DPP10: variants seen among roughly 807,000 people sequenced by gnomAD.
DPP10 encodes inactive dipeptidyl peptidase 10.
A neutral mutation model predicts 120.9 loss-of-function variants in DPP10; 33 were observed. The ratio of observed to expected loss-of-function variants is 0.27; its 90% CI spans 0.21 to 0.37. DPP10 has a LOEUF of 0.37. Ranked by LOEUF, DPP10 falls within the 10% of genes least tolerant of loss-of-function variation. The pLI, the probability that DPP10 is intolerant of heterozygous loss-of-function variation, is 1.00. For missense variants in DPP10, 816 were observed against 942.8 expected, an observed-to-expected ratio of 0.87 and a Z score of 1.76; for synonymous variants, 337 against 326.1, an observed-to-expected ratio of 1.03 and a Z score of -0.36.
chr2:114,844,295 T>C (rs1688379369), intron 1 of DPP10, among the ~76,000 whole-genome samples: 1 of 152,036 alleles, frequency 6.6e-6, no homozygotes, highest in African/African-American at 2.4e-5. Context: ...AATAGTTTCC[T>C]CAAATGCTAA....
intron 3 of DPP10, among the ~76,000 whole-genome samples, chr2:115,402,440 A>T (rs888793106): frequency 6.6e-6 from 1 of 152,174 alleles, no homozygotes; most frequent in African/African-American, 2.4e-5. Flanking sequence ...TAAACAAATC[A>T]GAAATGCAAG....
chr2:115,485,957 G>C (rs1378946776), intron 3 of DPP10, among the ~76,000 whole-genome samples: 1 of 151,980 alleles, frequency 6.6e-6, no homozygotes, highest in South Asian at 2.1e-4. Context: ...TAGTGACATA[G>C]TATAATGCCT....
At chr2:114,494,008 T>TG (rs1317029440) in intron 1 of DPP10, among the ~76,000 whole-genome samples, 2 of 151,108 alleles carry the variant, frequency 1.3e-5, no homozygotes, top group African/African-American at 4.9e-5. Flanking sequence ...TTGCCTGGTA[T>TG]TTCATATTAT....
At chr2:115,115,931 A>G (rs1573669825) in intron 1 of DPP10, among the ~76,000 whole-genome samples, 1 of 152,190 alleles carries the variant, frequency 6.6e-6, no homozygotes, top group Non-Finnish European at 1.5e-5. Context: ...TATCCAAAAA[A>G]AGCAGAAGGA....
chr2:114,713,281 C>T (rs1701142608), intron 1 of DPP10, among the ~76,000 whole-genome samples: 1 of 152,146 alleles, frequency 6.6e-6, no homozygotes, highest in Admixed American at 6.5e-5. Flanking sequence ...AGCCACCGTA[C>T]CCCGCCTAAT....
Position 115,379,880 on chromosome 2 carries a change from T to G in DPP10, c.271+35968T>G, listed in dbSNP as rs4848386. ...GAGCGGTTTTGAGTGAGATTCTTAA[T>G]CCTGAGTTCTAGTTTGATTGCACTG... On this transcript the variant is annotated intron_variant, in intron 3 of 25. Transcript: ENST00000410059. 2.6e-5 allele frequency among the ~76,000 whole-genome samples: 4 copies of G among 152,232 alleles called. No individual in the cohort carries two copies. The South Asian group carries it at 6.2e-4, about 24-fold the overall frequency.
chr2:114,704,436 T>C (rs1422400199), intron 1 of DPP10, among the ~76,000 whole-genome samples: 1 of 152,118 alleles, frequency 6.6e-6, no homozygotes, highest in Non-Finnish European at 1.5e-5. Flanking sequence ...ACTAGCCTAT[T>C]CTGCTACAGC....
chr2:115,076,174 G>T (rs993601082), intron 1 of DPP10, among the ~76,000 whole-genome samples: 1 of 151,918 alleles, frequency 6.6e-6, no homozygotes, highest in Admixed American at 6.6e-5. Context: ...AGACATTCAG[G>T]TAAGAATAAA....
At chr2:115,387,575 GAAAGT>G (rs962864092) in intron 3 of DPP10, among the ~76,000 whole-genome samples, 15 of 152,144 alleles carry the variant, frequency 9.9e-5, no homozygotes, top group Non-Finnish European at 5.9e-5. Flanking sequence ...CCAGTCTAAA[GAAAGT>G]AAAGATCCCA....
intron 1 of DPP10, among the ~76,000 whole-genome samples, chr2:114,967,344 A>G (rs1699105972): frequency 6.6e-6 from 1 of 152,196 alleles, no homozygotes; most frequent in South Asian, 2.1e-4. Flanking sequence ...CTGTGGAAGC[A>G]GGAAGGCCAG....
chr2:115,456,958 TAAAGTA>T (rs1348490030), intron 3 of DPP10, among the ~76,000 whole-genome samples: 1 of 111,300 alleles, frequency 9.0e-6, no homozygotes, highest in Non-Finnish European at 2.3e-5. Context: ...CCCCAGAACT[TAAAGTA>T]TAATAATAAA....
intron 5 of DPP10, among the ~76,000 whole-genome samples, chr2:115,586,468 A>G (rs772987511): frequency 6.6e-6 from 1 of 152,234 alleles, no homozygotes; most frequent in South Asian, 2.1e-4. Context: ...TCTGAGATGT[A>G]GGATTACTGG....
chr2:114,444,150 T>A (rs1363007061), intron 1 of DPP10, among the ~76,000 whole-genome samples: 1 of 152,166 alleles, frequency 6.6e-6, no homozygotes, highest in Non-Finnish European at 1.5e-5. Flanking sequence ...GATATGAGAA[T>A]CTTTTTCAGC....
intron 3 of DPP10, among the ~76,000 whole-genome samples, chr2:115,444,544 C>T (rs1335985506): frequency 6.6e-6 from 1 of 152,158 alleles, no homozygotes; most frequent in Non-Finnish European, 1.5e-5. Flanking sequence ...AGTTACTCAT[C>T]TATTATATTT....
At chr2:114,947,997 T>C (rs1249389963) in intron 1 of DPP10, among the ~76,000 whole-genome samples, 26 of 152,108 alleles carry the variant, frequency 1.7e-4, no homozygotes, top group Admixed American at 1.6e-3. Flanking sequence ...TTTAAAAAAT[T>C]ATTGGTCATT....
chr2:115,011,515 T>C (rs886375771), intron 1 of DPP10, among the ~76,000 whole-genome samples: 1 of 152,232 alleles, frequency 6.6e-6, no homozygotes, highest in Non-Finnish European at 1.5e-5. Flanking sequence ...GGTAATATTG[T>C]TTGCTCTGAA....
chr2:115,835,201 G>T (rs1050424617), intron 21 of DPP10, among the ~76,000 whole-genome samples: 2 of 151,918 alleles, frequency 1.3e-5, no homozygotes, highest in Admixed American at 6.6e-5. Flanking sequence ...TTGTACATGG[G>T]ATAGAAACAA....
intron 3 of DPP10, among the ~76,000 whole-genome samples, chr2:115,489,498 A>G (rs1017797479): frequency 3.5e-4 from 53 of 152,096 alleles, no homozygotes; most frequent in African/African-American, 1.2e-3. Flanking sequence ...GTTAAAATAG[A>G]GATCACAAGA....
intron 7 of DPP10, among the ~76,000 whole-genome samples, chr2:115,703,916 C>T (rs900640069): frequency 2.0e-5 from 3 of 151,960 alleles, no homozygotes; most frequent in Non-Finnish European, 4.4e-5. Context: ...GCCTCATCAT[C>T]TTTCACCTAG....
Sources: allele counts gnomAD v4.1 joint callset (sites outside exome capture counted in the v4.1 genomes callset), GRCh38; gene constraint gnomAD v4.1.1; transcripts MANE v1.5; gene names NCBI Gene and HGNC (gene_info 2026-07-23, HGNC 2026-07-21).